CSNK1G2: variants seen among roughly 807,000 people sequenced by gnomAD.
CSNK1G2 encodes the protein casein kinase I isoform gamma-2.
In CSNK1G2, 11 loss-of-function variants were observed where a neutral mutation model predicts 48.0. That is an observed-to-expected ratio of 0.23 (90% CI 0.14 to 0.38). The LOEUF is 0.38. Among genes scored for constraint, CSNK1G2 ranks in the 10% least tolerant of loss-of-function variants. The pLI, the probability that CSNK1G2 is intolerant of heterozygous loss-of-function variation, is 1.00. For synonymous variants in CSNK1G2, 337 were observed against 254.1 expected, an observed-to-expected ratio of 1.33 and a Z score of -3.10; for missense variants, 446 against 595.5, an observed-to-expected ratio of 0.75 and a Z score of 2.61.
rs748753678 is a variant in CSNK1G2 at position 1,979,465 on chromosome 19, G to A, written c.854-30G>A. 3.7e-5 allele frequency: 26 copies of A among 702,920 alleles called. No individual in the cohort carries two copies. In the African/African-American group the frequency reaches 6.3e-4, roughly 17 times the overall value. 43.5% of individuals were successfully genotyped at this position (702,920 alleles called of 1,614,324 possible). A position where few individuals can be genotyped will look rare whatever the true frequency, so the allele number is the denominator to read the frequency against. On this transcript the variant is annotated intron_variant, in intron 8 of 11. Coordinates refer to ENST00000255641, the MANE Select transcript of CSNK1G2 (RefSeq NM_001319.7). Reference sequence around the variant, plus strand: ...CCCCCCACCCCCCACCCCCACCCCCGCCGAGGCCCCGCTGGCGCTCTCTCT... The same window carrying A: ...CCCCCCACCCCCCACCCCCACCCCCACCGAGGCCCCGCTGGCGCTCTCTCT...
chr19:1,964,964 G>A (rs1210430671), intron 1 of CSNK1G2, among the ~76,000 whole-genome samples: 1 of 151,098 alleles, frequency 6.6e-6, no homozygotes, highest in Non-Finnish European at 1.5e-5. Flanking sequence ...CTGACTTCAT[G>A]ATCCGCCTGC....
chr19:1,947,421 G>C (rs1299312101), intron 1 of CSNK1G2, among the ~76,000 whole-genome samples: 1 of 152,264 alleles, frequency 6.6e-6, no homozygotes. Flanking sequence ...TGGCAGGCGT[G>C]CGAGGGCTCA....
chr19:1,946,668 A>G (rs2145496677), intron 1 of CSNK1G2, among the ~76,000 whole-genome samples: 1 of 149,878 alleles, frequency 6.7e-6, no homozygotes, highest in South Asian at 2.1e-4. Context: ...GCTAGAGTGC[A>G]GTGGCGCAAT....
At chr19:1,945,778 C>T (rs533061667) in intron 1 of CSNK1G2, among the ~76,000 whole-genome samples, 2 of 150,836 alleles carry the variant, frequency 1.3e-5, no homozygotes, top group African/African-American at 4.9e-5. Flanking sequence ...GCCAGGATCG[C>T]GCCACTGCAC....
intron 1 of CSNK1G2, chr19:1,953,816 C>T (rs749901951): frequency 1.9e-6 from 1 of 520,570 alleles, no homozygotes; most frequent in South Asian, 1.4e-5. Flanking sequence ...GTACCGCGAT[C>T]ACCTGTGGCC....
intron 1 of CSNK1G2, among the ~76,000 whole-genome samples, chr19:1,945,113 G>A (rs1341309124): frequency 6.6e-6 from 1 of 152,232 alleles, no homozygotes; most frequent in Non-Finnish European, 1.5e-5. Flanking sequence ...AGGCTCCGCG[G>A]CCCCTTCTCG....
intron 1 of CSNK1G2, among the ~76,000 whole-genome samples, chr19:1,945,957 G>A (rs2014539319): frequency 6.6e-6 from 1 of 152,208 alleles, no homozygotes. Flanking sequence ...GCCAAGTGGG[G>A]CAGGCAGCCC....
chr19:1,978,959 C>T lies in CSNK1G2; in HGVS notation c.548C>T (p.Ala183Val). The T allele has an allele frequency of 6.2e-7, 1 of 1,601,102 alleles. No individual in the cohort carries two copies. The highest frequency in any genetic ancestry group is 8.5e-7 in the Non-Finnish European group (1 of 1,179,706). ...CGCCCGGGGACCAAGCGGCAGCATG[C>T]CATCCACATCATCGACTTCGGGCTG... ...VGRPGTKRQH[A>V]IHIIDFGLAK... is the part of the protein sequence containing the mutation. The change falls in exon 6 of 12, where the codon GCC becomes GTC. Residue 183 changes from alanine to valine, a missense_variant. Around this residue, in one of 2 missense-constraint regions of CSNK1G2, gnomAD observed 258 missense variants for 415.9 expected, o/e 0.62. Transcript: ENST00000255641. This position sits in a 1 kb window ranked among gnomAD's most constrained non-coding sequence, Gnocchi z 7.3.
chr19:1,943,663 G>A (rs1457996306), intron 1 of CSNK1G2, among the ~76,000 whole-genome samples: 2 of 152,238 alleles, frequency 1.3e-5, no homozygotes, highest in East Asian at 1.9e-4. Context: ...GTTACCGCGC[G>A]CCCGAGTGGC....
intron 1 of CSNK1G2, chr19:1,953,932 C>T (rs758931672): frequency 1.3e-5 from 7 of 533,822 alleles, no homozygotes; most frequent in Admixed American, 5.8e-5. Flanking sequence ...CCGGTGCAGT[C>T]GGCGCGGTGA....
At chr19:1,962,500 C>T (rs1191137206) in intron 1 of CSNK1G2, among the ~76,000 whole-genome samples, 1 of 146,198 alleles carries the variant, frequency 6.8e-6, no homozygotes, top group African/African-American at 2.5e-5. Context: ...GATCCCATCT[C>T]TACAAAAAAA....
intron 1 of CSNK1G2, among the ~76,000 whole-genome samples, chr19:1,961,763 G>C (rs935773046): frequency 6.6e-6 from 1 of 152,262 alleles, no homozygotes; most frequent in South Asian, 2.1e-4. Context: ...ATATGGGTCT[G>C]GTTTAGAGAA....
At chr19:1,947,521 G>A (rs2014606066) in intron 1 of CSNK1G2, among the ~76,000 whole-genome samples, 1 of 152,238 alleles carries the variant, frequency 6.6e-6, no homozygotes, top group South Asian at 2.1e-4. Context: ...TCTGCCTGGG[G>A]ACAGTTCCCA....
At chr19:1,979,678 G>A (rs2145601078) in intron 9 of CSNK1G2, 35 bp downstream of exon 9, 5 of 1,601,494 alleles carry the variant, frequency 3.1e-6, no homozygotes, top group South Asian at 1.1e-5. Context: ...GGGAGCGGGG[G>A]ACCGGGAAAC....
At chr19:1,965,232 A>C (rs2015329132) in intron 1 of CSNK1G2, among the ~76,000 whole-genome samples, 1 of 150,244 alleles carries the variant, frequency 6.7e-6, no homozygotes, top group Admixed American at 6.6e-5. Context: ...AAATACAAAA[A>C]ATTAACCGGC....
At chr19:1,961,298 A>G (rs908287610) in intron 1 of CSNK1G2, among the ~76,000 whole-genome samples, 3 of 152,198 alleles carry the variant, frequency 2.0e-5, no homozygotes, top group African/African-American at 7.2e-5. Flanking sequence ...TGGCGGGTGG[A>G]GGACTTGAGG....
chr19:1,945,150 C>G (rs569968177), intron 1 of CSNK1G2, among the ~76,000 whole-genome samples: 2 of 152,350 alleles, frequency 1.3e-5, no homozygotes, highest in East Asian at 3.9e-4. Flanking sequence ...TGGCCACCAC[C>G]GCTGCTTGGG....
At position 1,957,560 on chromosome 19, in the gene CSNK1G2, G is replaced by A. The variant is rs1282682312; in HGVS notation, c.-265-11948G>A. Among the ~76,000 whole-genome samples the A allele has an allele frequency of 1.3e-5, 2 of 152,182 alleles. No homozygotes were observed. Among genetic ancestry groups the A allele is most frequent in the East Asian group, 1.9e-4 (1 of 5,196 alleles). On this transcript the variant is annotated intron_variant, in intron 1 of 11. Transcript: ENST00000255641. The surrounding 1 kb of genome is among the most constrained non-coding windows in gnomAD (Gnocchi z 5.4). ...CATGTTTGTCCTCACTGAGGGAGCC[G>A]AGCAGATGCCTTTGCCCCTGCAGGT...
chr19:1,977,750 C>CAAAA (rs758107982), intron 2 of CSNK1G2, among the ~76,000 whole-genome samples: 9 of 83,038 alleles, frequency 1.1e-4, no homozygotes, highest in African/African-American at 3.0e-4. Context: ...GACACCGTCT[C>CAAAA]AAAAAAAAAA....
Sources: allele counts gnomAD v4.1 joint callset (sites outside exome capture counted in the v4.1 genomes callset), GRCh38; gene constraint gnomAD v4.1.1; regional missense constraint gnomAD v4.1.1; non-coding constraint Gnocchi (gnomAD v3.1); transcripts MANE v1.5; gene names NCBI Gene and HGNC (gene_info 2026-07-23, HGNC 2026-07-21).